ZNF808: variants seen among roughly 807,000 people sequenced by gnomAD.
The protein encoded by ZNF808 is zinc finger protein 808.
In ZNF808, 5 loss-of-function variants were observed where a neutral mutation model predicts 8.7. The ratio of observed to expected loss-of-function variants is 0.58; its 90% CI spans 0.30 to 1.21. The LOEUF (loss-of-function observed/expected upper bound fraction) is 1.21, where lower values mean the gene tolerates loss of function less well. Ranked by LOEUF, ZNF808 falls within the 50% of genes most tolerant of loss-of-function variation. The pLI is 0.07. For synonymous variants in ZNF808, 380 were observed against 366.0 expected, an observed-to-expected ratio of 1.04 and a Z score of -0.44; for missense variants, 1,103 against 1,098.4, an observed-to-expected ratio of 1.00 and a Z score of -0.06.
At chr19:52,560,666 C>A (rs973912110), downstream of ZNF808, among the ~76,000 whole-genome samples, 2 of 152,212 alleles carry the variant, frequency 1.3e-5, no homozygotes, top group Non-Finnish European at 2.9e-5. Flanking sequence ...TGTCCCTTGC[C>A]CATATTGTAA....
At chr19:52,535,856 G>A (rs935750237) in intron 2 of ZNF808, 1 of 152,308 alleles carries the variant, frequency 6.6e-6, no homozygotes, top group Non-Finnish European at 1.5e-5. Flanking sequence ...GCGAGGCGGA[G>A]GGATGCACAG....
intron 4 of ZNF808, 108 bp downstream of exon 4, chr19:52,547,746 T>G (rs1444204546): frequency 6.7e-5 from 102 of 1,516,896 alleles, no homozygotes; most frequent in Admixed American, 2.8e-4. Flanking sequence ...CTGGTTTTTT[T>G]TTTTTTTTTT....
Position 52,555,717 on chromosome 19 carries a change from A to G in ZNF808, c.*89A>G, listed in dbSNP as rs1467974077. The stretch of plus-strand genomic sequence containing the variant: ...GATGAAGAGAAATCTTCTGAGTGTA[A>G]TAAATGTGGCATGTTTTTCAGACAT... On this transcript the variant is annotated 3_prime_UTR_variant, in exon 5 of 5. Coordinates refer to ENST00000359798, the MANE Select transcript of ZNF808 (RefSeq NM_001039886.4). The G allele has an allele frequency of 4.6e-6, 7 of 1,523,738 alleles. No individual in the cohort carries two copies. Among genetic ancestry groups the G allele is most frequent in the Non-Finnish European group, 6.2e-6 (7 of 1,125,300 alleles). The allele number at this position is 1,523,738 out of a possible 1,614,324, so 94.4% of individuals were successfully genotyped here.
intron 3 of ZNF808, among the ~76,000 whole-genome samples, chr19:52,544,234 A>G (rs1013671730): frequency 6.6e-6 from 1 of 152,156 alleles, no homozygotes; most frequent in African/African-American, 2.4e-5. Flanking sequence ...TTCAGAGTTT[A>G]CAGCAGCCTC....
At chr19:52,529,141 T>C (rs1474938685) in intron 1 of ZNF808, among the ~76,000 whole-genome samples, 1 of 150,832 alleles carries the variant, frequency 6.6e-6, no homozygotes, top group Non-Finnish European at 1.5e-5. Flanking sequence ...TTTAGGAGAC[T>C]GAAGCAAGAG....
chr19:52,560,036 G>T (rs2059851329), downstream of ZNF808, among the ~76,000 whole-genome samples: 1 of 152,190 alleles, frequency 6.6e-6, no homozygotes, highest in African/African-American at 2.4e-5. Context: ...TCACAATGAT[G>T]AGTTATTAGT....
chr19:52,541,403 C>T (rs2059669323), intron 2 of ZNF808, among the ~76,000 whole-genome samples: 1 of 151,932 alleles, frequency 6.6e-6, no homozygotes, highest in Non-Finnish European at 1.5e-5. Flanking sequence ...GGAGGAAGAC[C>T]AAGGCAGCCT....
At chr19:52,528,601 A>G (rs1469964508) in intron 1 of ZNF808, among the ~76,000 whole-genome samples, 2 of 152,062 alleles carry the variant, frequency 1.3e-5, no homozygotes, top group African/African-American at 2.4e-5. Context: ...CAAGGTAGGG[A>G]GAGTGGCAGC....
At position 52,553,948 on chromosome 19, in the gene ZNF808, G is replaced by A. The variant is rs200286293; in HGVS notation, c.1032G>A (p.Lys344=). The A allele has an allele frequency of 8.1e-5, 131 of 1,613,870 alleles. No homozygotes were observed. Among genetic ancestry groups the A allele is most frequent in the Non-Finnish European group, 9.9e-5 (117 of 1,179,970 alleles). ...KAIHTGEKPY[K]CNECGKAFNQ... Reference sequence around the variant, plus strand: ...TTCATACTGGAGAGAAACCTTACAAGTGTAATGAATGTGGCAAGGCTTTTA... The same window carrying A: ...TTCATACTGGAGAGAAACCTTACAAATGTAATGAATGTGGCAAGGCTTTTA... The change falls in exon 5 of 5, where the codon AAG becomes AAA. Residue 344 remains lysine (K), a synonymous_variant. Transcript: ENST00000359798.
intron 2 of ZNF808, among the ~76,000 whole-genome samples, chr19:52,542,152 G>T (rs923486848): frequency 3.3e-5 from 5 of 151,408 alleles, no homozygotes; most frequent in Non-Finnish European, 7.4e-5. Context: ...GGAGTGCAAT[G>T]CCACGATCTC....
intron 1 of ZNF808, among the ~76,000 whole-genome samples, chr19:52,528,912 G>A (rs1767401744): frequency 6.6e-6 from 1 of 151,916 alleles, no homozygotes; most frequent in Admixed American, 6.6e-5. Context: ...GGATGGAGCA[G>A]AAGAGATGGA....
intron 4 of ZNF808, among the ~76,000 whole-genome samples, chr19:52,549,754 A>G (rs1359740334): frequency 6.6e-6 from 1 of 152,060 alleles, no homozygotes; most frequent in African/African-American, 2.4e-5. Flanking sequence ...CTGGATGCAA[A>G]TACTGTTTCT....
intron 4 of ZNF808, among the ~76,000 whole-genome samples, chr19:52,552,744 T>C (rs1286632738): frequency 1.3e-5 from 2 of 150,992 alleles, no homozygotes; most frequent in Non-Finnish European, 2.9e-5. Flanking sequence ...ACAGTAAATA[T>C]GGTTTAAATA....
At position 52,555,381 on chromosome 19, in the gene ZNF808, A is replaced by T. The variant is rs761975874; in HGVS notation, c.2465A>T (p.Asn822Ile). The part of the protein sequence containing the change: ...IHTAEKPYKC[N>I]ECGKAFNEQS... The stretch of plus-strand genomic sequence containing the variant: ...ACTGCAGAGAAACCTTACAAGTGTA[A>T]TGAATGTGGAAAGGCTTTTAATGAA... Residue 822 changes from asparagine to isoleucine, a missense_variant, in exon 5 of 5, where the codon AAT becomes ATT. Physicochemically the swap from Asn to Ile is moderately radical, Grantham distance 149. Coordinates refer to ENST00000359798, the MANE Select transcript of ZNF808 (RefSeq NM_001039886.4). The T allele has an allele frequency of 1.2e-6, 2 of 1,614,156 alleles. No individual in the cohort carries two copies. Among genetic ancestry groups the T allele is most frequent in the Middle Eastern group, 1.7e-4 (1 of 6,058 alleles).
chr19:52,547,740 T>G (rs73934558), intron 4 of ZNF808, 102 bp downstream of exon 4: 172,690 of 820,824 alleles, frequency 0.21, 4,724 homozygotes, highest in Admixed American at 0.23. Context: ...TCCATGCTGG[T>G]TTTTTTTTTT....
intron 2 of ZNF808, among the ~76,000 whole-genome samples, chr19:52,538,184 TTTTC>T (rs2059631717): frequency 6.6e-6 from 1 of 150,626 alleles, no homozygotes; most frequent in Non-Finnish European, 1.5e-5. Context: ...GTAGTTTTTT[TTTTC>T]TTTGTTTGTT....
chr19:52,562,659 ATGCATAG>A lies in ZNF808; in HGVS notation c.*423-656_*423-650del, dbSNP rs1409799174. On this transcript the variant is annotated intron_variant and NMD_transcript_variant, in intron 3 of 3. Coordinates refer to the ZNF808 transcript ENST00000487863. ...GTATACAGTCTGTGTTTTATATTTCATGCATAGTGAACTACATAACTAAGGGCAATGC... is the reference window on the plus strand; with the variant it reads ...GTATACAGTCTGTGTTTTATATTTCATGAACTACATAACTAAGGGCAATGC... 4.6e-5 allele frequency among the ~76,000 whole-genome samples: 7 copies of A among 152,332 alleles called. No homozygotes were observed. In the East Asian group the frequency reaches 1.2e-3, roughly 25 times the overall value.
chr19:52,539,600 G>A (rs2123111326), intron 2 of ZNF808, among the ~76,000 whole-genome samples: 1 of 136,234 alleles, frequency 7.3e-6, no homozygotes, highest in South Asian at 2.3e-4. Context: ...TGTTGCCCAG[G>A]GTGAAGTGCA....
At chr19:52,564,090 G>T in exon 4 of ZNF808, 1 of 645,922 alleles carries the variant, frequency 1.5e-6, no homozygotes, top group South Asian at 1.4e-5. Flanking sequence ...CTTCTCACAA[G>T]ACTTTCAGGA....
Sources: allele counts gnomAD v4.1 joint callset (sites outside exome capture counted in the v4.1 genomes callset), GRCh38; gene constraint gnomAD v4.1.1; transcripts MANE v1.5; gene names NCBI Gene and HGNC (gene_info 2026-07-23, HGNC 2026-07-21).